CYB5R4: variants seen among roughly 807,000 people sequenced by gnomAD.
CYB5R4 encodes the protein cytochrome b5 reductase 4, also known as N-terminal cytochrome b5 and cytochrome b5 oxidoreductase domain-containing protein.
Under a neutral mutation model 70.2 loss-of-function variants are expected in CYB5R4, and 55 were observed. The observed-to-expected ratio is 0.78, with a 90% CI of 0.63 to 0.98. The LOEUF (loss-of-function observed/expected upper bound fraction) is 0.98. Ranked by LOEUF, CYB5R4 falls within the 50% of genes least tolerant of loss-of-function variation. The pLI is 0.00. For missense variants in CYB5R4, 562 were observed against 612.6 expected (o/e 0.92, Z 0.87); for synonymous variants, 197 against 199.5 (o/e 0.99, Z 0.11).
At chr6:83,945,327 G>A (rs1321283602) in intron 14 of CYB5R4, among the ~76,000 whole-genome samples, 1 of 152,112 alleles carries the variant, frequency 6.6e-6, no homozygotes, top group Non-Finnish European at 1.5e-5. Context: ...GACTACTGCA[G>A]AAATAACGAA....
intron 1 of CYB5R4, among the ~76,000 whole-genome samples, chr6:83,861,773 TCTTA>T (rs1311044494): frequency 1.3e-5 from 2 of 152,262 alleles, no homozygotes; most frequent in Non-Finnish European, 2.9e-5. Flanking sequence ...TAAATAATTA[TCTTA>T]CTTGTTTTTT....
intron 2 of CYB5R4, among the ~76,000 whole-genome samples, chr6:83,881,062 C>T (rs1283011913): frequency 6.6e-6 from 1 of 152,186 alleles, no homozygotes; most frequent in Non-Finnish European, 1.5e-5. Context: ...GGTTTATCTT[C>T]TCCAGAGAGC....
chr6:83,868,017 C>CT (rs2099457007), intron 2 of CYB5R4, among the ~76,000 whole-genome samples: 1 of 152,154 alleles, frequency 6.6e-6, no homozygotes. Context: ...ACAAAATTAC[C>CT]TTTTTCTTCA....
At chr6:83,922,347 G>A (rs921044463) in intron 8 of CYB5R4, 91 bp from the exon 9 acceptor site, 2 of 917,332 alleles carry the variant, frequency 2.2e-6, no homozygotes, top group Non-Finnish European at 3.3e-6. Flanking sequence ...ATTTGAAATA[G>A]TACATAAAAG....
chr6:83,905,257 A>G (rs1588571316), intron 3 of CYB5R4, among the ~76,000 whole-genome samples: 2 of 152,124 alleles, frequency 1.3e-5, no homozygotes, highest in African/African-American at 4.8e-5. Context: ...GGGTTTCACC[A>G]TGTTGGCCAG....
intron 14 of CYB5R4, among the ~76,000 whole-genome samples, chr6:83,943,008 T>TG (rs1313790096): frequency 2.0e-5 from 3 of 152,104 alleles, no homozygotes; most frequent in Middle Eastern, 3.2e-3. Context: ...ACAGAGTGCC[T>TG]GGGGGAAGGG....
intron 2 of CYB5R4, among the ~76,000 whole-genome samples, chr6:83,870,322 A>G (rs2099457396): frequency 6.6e-6 from 1 of 152,252 alleles, no homozygotes; most frequent in South Asian, 2.1e-4. Flanking sequence ...GCTATGAACA[A>G]GGATAACCAA....
At position 83,966,821 on chromosome 6, in the gene CYB5R4, T is replaced by C. The variant is rs939268791; in HGVS notation, c.*6943T>C. 1.3e-5 allele frequency: 2 copies of C among 152,154 alleles called. No homozygotes were observed. Among genetic ancestry groups the C allele is most frequent in the Admixed American group, 1.3e-4 (2 of 15,272 alleles). The allele number at this position is 152,154 out of a possible 1,614,324, so 9.4% of individuals were successfully genotyped here. Reference sequence around the variant, plus strand: ...CAAAGGAAAAGAATACTAAAAACTCTACTTAATGAAAAATCATCCTGAAAT... The same window carrying C: ...CAAAGGAAAAGAATACTAAAAACTCCACTTAATGAAAAATCATCCTGAAAT... On this transcript the variant is annotated 3_prime_UTR_variant, in exon 16 of 16. Coordinates refer to ENST00000369681, the MANE Select transcript of CYB5R4 (RefSeq NM_016230.4).
At chr6:83,957,627 A>AG (rs2129146365) in intron 15 of CYB5R4, among the ~76,000 whole-genome samples, 1 of 148,590 alleles carries the variant, frequency 6.7e-6, no homozygotes, top group East Asian at 2.5e-4. Context: ...TGTCTCAAAA[A>AG]AAAAAAAAAA....
chr6:83,874,836 T>TA (rs973216957), intron 2 of CYB5R4, among the ~76,000 whole-genome samples: 1 of 151,860 alleles, frequency 6.6e-6, no homozygotes, highest in African/African-American at 2.4e-5. Flanking sequence ...TTTTTATTTT[T>TA]TTTTTTAGAT....
chr6:83,934,039 C>T (rs1223586465), intron 10 of CYB5R4, among the ~76,000 whole-genome samples: 4 of 151,970 alleles, frequency 2.6e-5, no homozygotes, highest in Non-Finnish European at 4.4e-5. Context: ...TCTAAAATTG[C>T]TTACTAGTGC....
chr6:83,916,998 T>A (rs188916508), intron 5 of CYB5R4, among the ~76,000 whole-genome samples: 152 of 152,286 alleles, frequency 1.0e-3, no homozygotes, highest in Middle Eastern at 3.4e-3. Context: ...ACTTCTTTTT[T>A]CCAAACTAAA....
At chr6:83,957,765 A>T (rs965200394) in intron 15 of CYB5R4, among the ~76,000 whole-genome samples, 3 of 151,928 alleles carry the variant, frequency 2.0e-5, no homozygotes, top group African/African-American at 7.3e-5. Flanking sequence ...TTACATGTGG[A>T]TTCCTGCTAT....
chr6:83,868,140 G>T (rs1466013795), intron 2 of CYB5R4, among the ~76,000 whole-genome samples: 1 of 151,954 alleles, frequency 6.6e-6, no homozygotes, highest in Non-Finnish European at 1.5e-5. Context: ...CATCAAAACT[G>T]TGCCACAGGG....
At chr6:83,891,466 G>GA (rs1404521938) in intron 2 of CYB5R4, among the ~76,000 whole-genome samples, 1 of 151,852 alleles carries the variant, frequency 6.6e-6, no homozygotes, top group Non-Finnish European at 1.5e-5. Flanking sequence ...TTTTGAGAAG[G>GA]AAAAAAAGGG....
At chr6:83,915,837 T>A (rs2099465417) in intron 5 of CYB5R4, among the ~76,000 whole-genome samples, 1 of 152,226 alleles carries the variant, frequency 6.6e-6, no homozygotes, top group Non-Finnish European at 1.5e-5. Context: ...CAATAGCTGC[T>A]TAAAATACTG....
chr6:83,931,107 A>G (rs563763968), intron 10 of CYB5R4, among the ~76,000 whole-genome samples: 1 of 152,378 alleles, frequency 6.6e-6, no homozygotes, highest in Non-Finnish European at 1.5e-5. Flanking sequence ...TCACTGAAGT[A>G]GGACTTTTAA....
chr6:83,945,467 C>T (rs1469484137), intron 14 of CYB5R4, among the ~76,000 whole-genome samples: 3 of 152,028 alleles, frequency 2.0e-5, no homozygotes, highest in African/African-American at 4.8e-5. Flanking sequence ...CAGGAGAAAG[C>T]GGGAAAGATC....
intron 2 of CYB5R4, among the ~76,000 whole-genome samples, chr6:83,870,240 T>C (rs572637034): frequency 7.9e-5 from 12 of 152,310 alleles, no homozygotes; most frequent in African/African-American, 2.6e-4. Context: ...AACCCAACTT[T>C]GTGTTTTTTC....
Sources: allele counts gnomAD v4.1 joint callset (sites outside exome capture counted in the v4.1 genomes callset), GRCh38; gene constraint gnomAD v4.1.1; transcripts MANE v1.5; gene names NCBI Gene and HGNC (gene_info 2026-07-23, HGNC 2026-07-21).